The following ME3 variants were observed in gnomAD, a reference collection of about 807,000 sequenced individuals.
ME3 encodes NADP-dependent malic enzyme, mitochondrial.
Under a neutral mutation model 68.9 loss-of-function variants are expected in ME3, and 48 were observed. That is an observed-to-expected ratio of 0.70 (90% CI 0.55 to 0.89). The LOEUF (loss-of-function observed/expected upper bound fraction) is 0.89. ME3 is among the 40% of genes least tolerant of loss of function. The probability of loss-of-function intolerance (pLI) is 0.00; values close to 1 mark genes in which losing one functional copy is unlikely to be tolerated. For missense variants in ME3, 675 were observed against 797.4 expected, an observed-to-expected ratio of 0.85 and a Z score of 1.85; for synonymous variants, 320 against 318.8, an observed-to-expected ratio of 1.00 and a Z score of -0.04.
In ME3 at chr11:86,556,533, C is replaced by G. The variant is rs1457208958; in HGVS notation, c.467+20G>C. The G allele has an allele frequency of 1.9e-6, 3 of 1,608,430 alleles. No individual in the cohort carries two copies. The highest frequency in any genetic ancestry group is 2.5e-6 in the Non-Finnish European group (3 of 1,177,052). On this transcript the variant is annotated intron_variant, in intron 4 of 14. Coordinates refer to ENST00000543262, the Ensembl canonical transcript of ME3. ...CTATGAGGCAGCCCCTCCCAGAGCC[C>G]TCACTCCACGGGGGCTCACCGGGGC...
At chr11:86,561,942 C>T (rs191497391) in intron 2 of ME3, among the ~76,000 whole-genome samples, 20 of 152,266 alleles carry the variant, frequency 1.3e-4, no homozygotes, top group Admixed American at 1.0e-3. Context: ...AAAATCTGGA[C>T]ACATTAAGGT....
intron 2 of ME3, among the ~76,000 whole-genome samples, chr11:86,595,300 T>TAG (rs1410417325): frequency 1.7e-5 from 1 of 57,484 alleles, no homozygotes; most frequent in African/African-American, 5.4e-5. Flanking sequence ...TACATATATA[T>TAG]ATATATAGAG....
chr11:86,498,187 A>T, intron 5 of ME3, 63 bp from the exon 6 acceptor site: 2 of 1,540,746 alleles, frequency 1.3e-6, no homozygotes, highest in Non-Finnish European at 1.7e-6. Context: ...TGCTCATTTT[A>T]GCAGCCCCAG....
intron 6 of ME3, among the ~76,000 whole-genome samples, chr11:86,489,676 C>G (rs1446858869): frequency 6.6e-6 from 1 of 152,076 alleles, no homozygotes; most frequent in Non-Finnish European, 1.5e-5. Context: ...GCAGGAACTT[C>G]TCACTGGCCT....
intron 2 of ME3, among the ~76,000 whole-genome samples, chr11:86,576,591 G>T (rs921022086): frequency 6.6e-6 from 1 of 152,170 alleles, no homozygotes; most frequent in African/African-American, 2.4e-5. Flanking sequence ...TGACTGACTT[G>T]TTGGTCCCAT....
chr11:86,519,621 T>G (rs1954124266), intron 4 of ME3, among the ~76,000 whole-genome samples: 1 of 152,194 alleles, frequency 6.6e-6, no homozygotes, highest in Non-Finnish European at 1.5e-5. Flanking sequence ...TAACAAAGGC[T>G]CGCTGTTGCC....
At chr11:86,568,459 C>T (rs1957605970) in intron 2 of ME3, among the ~76,000 whole-genome samples, 1 of 152,226 alleles carries the variant, frequency 6.6e-6, no homozygotes, top group Admixed American at 6.5e-5. Context: ...TTACCTATCA[C>T]TCCTGACTTT....
At position 86,562,128 on chromosome 11, in the gene ME3, A is replaced by G. The variant is rs1957267606; in HGVS notation, c.184-2305T>C. Among the ~76,000 whole-genome samples the G allele has an allele frequency of 1.3e-5, 2 of 152,108 alleles. 1 individual carries two copies. Among genetic ancestry groups the G allele is most frequent in the South Asian group, 4.2e-4 (2 of 4,818 alleles). ...CACTGACCTTCTTTACTGACTCTAC[A>G]TTTTCATCTTTTCTAGAATGTCATA... On this transcript the variant is annotated intron_variant, in intron 2 of 14. Transcript: ENST00000543262.
At chr11:86,517,064 GA>G (rs1953947980) in intron 4 of ME3, among the ~76,000 whole-genome samples, 1 of 151,468 alleles carries the variant, frequency 6.6e-6, no homozygotes, top group South Asian at 2.1e-4. Context: ...GTTCATCCTG[GA>G]ACAGGGTTAA....
chr11:86,498,010 G>C, exon 6 of ME3: 1 of 1,612,732 alleles, frequency 6.2e-7, no homozygotes, highest in Non-Finnish European at 8.5e-7. Flanking sequence ...CACTGCTGCG[G>C]GTTCACCCCT....
At position 86,671,926 on chromosome 11, in the gene ME3, T is replaced by TC; in HGVS notation, c.18dup (p.Thr7AspfsTer62). On this transcript the variant is annotated frameshift_variant, in exon 2 of 15. Coordinates refer to ENST00000543262, the Ensembl canonical transcript of ME3. LOFTEE classifies it high-confidence loss of function. ...GGCCAGGGAGCCAGCCGCGTGCCTG[T>TC]CCCCAGCGCGGCACCCATGGTCCTT... 1 of 1,434,416 alleles carries TC rather than the reference T, an allele frequency of 7.0e-7. No individual in the cohort carries two copies. Among genetic ancestry groups the TC allele is most frequent in the Non-Finnish European group, 9.1e-7 (1 of 1,100,846 alleles). The allele number at this position is 1,434,416 out of a possible 1,614,324, so 88.9% of individuals were successfully genotyped here.
chr11:86,529,264 G>T (rs2139252229), intron 4 of ME3, among the ~76,000 whole-genome samples: 1 of 152,278 alleles, frequency 6.6e-6, no homozygotes, highest in South Asian at 2.1e-4. Context: ...TGGAAGAAAT[G>T]GATAAATTCC....
chr11:86,672,205 A>G, intron 1 of ME3, 119 bp downstream of exon 1: 1 of 413,504 alleles, frequency 2.4e-6, no homozygotes, highest in Non-Finnish European at 4.2e-6. Context: ...GGTGCGGGTG[A>G]CAGCCGGCGC....
intron 2 of ME3, among the ~76,000 whole-genome samples, chr11:86,621,605 C>T (rs557952360): frequency 6.6e-6 from 1 of 152,022 alleles, no homozygotes; most frequent in African/African-American, 2.4e-5. Context: ...TTCTTTCCTA[C>T]AAATGCTTCA....
intron 2 of ME3, among the ~76,000 whole-genome samples, chr11:86,661,255 G>C (rs1448906718): frequency 6.6e-6 from 1 of 152,226 alleles, no homozygotes; most frequent in East Asian, 1.9e-4. Context: ...GAGGATGAAT[G>C]AATTACTGCC....
At chr11:86,448,289 G>A (rs373423905) in intron 10 of ME3, 34 bp from the exon 11 acceptor site, 353 of 1,490,544 alleles carry the variant, frequency 2.4e-4, no homozygotes, top group Middle Eastern at 3.4e-4. Flanking sequence ...AGTTGTGGTC[G>A]TGATGGCCTG....
intron 2 of ME3, among the ~76,000 whole-genome samples, chr11:86,653,727 G>A (rs1467675926): frequency 6.6e-6 from 1 of 152,090 alleles, no homozygotes; most frequent in African/African-American, 2.4e-5. Flanking sequence ...CTAGCAGAAG[G>A]CAAGAAATAA....
chr11:86,453,451 A>G (rs964343877), intron 8 of ME3, among the ~76,000 whole-genome samples: 2 of 152,150 alleles, frequency 1.3e-5, no homozygotes, highest in Non-Finnish European at 2.9e-5. Context: ...AGCTTTGCCA[A>G]CTTGCTCTAT....
At position 86,471,141 on chromosome 11, in the gene ME3, C is replaced by CTTTTTTTTTTTTTTTTTTT. The variant is rs1163128094; in HGVS notation, c.810-5960_810-5942dup. On this transcript the variant is annotated intron_variant, in intron 7 of 14. Transcript: ENST00000543262. ...CCTACTTAAACTGTAAGGCCCAGAG[C>CTTTTTTTTTTTTTTTTTTT]TTTTTTTTTTTTTTTTTTTTTTTTT... Among the ~76,000 whole-genome samples the CTTTTTTTTTTTTTTTTTTT allele has an allele frequency of 5.3e-4, 40 of 75,034 alleles. 1 individual carries two copies. The highest frequency in any genetic ancestry group is 2.5e-3 in the African/African-American group (40 of 15,928). The allele number at this position is 75,034 out of a possible 152,430, so 49.2% of individuals were successfully genotyped here.
Sources: gnomAD v4.1 joint callset for allele counts (sites outside exome capture counted in the v4.1 genomes callset) on GRCh38, gnomAD v4.1.1 for gene constraint, MANE v1.5 for transcripts, NCBI Gene and HGNC (gene_info 2026-07-23, HGNC 2026-07-21) for gene names.